The following INTS13 variants were observed in gnomAD, a reference collection of about 807,000 sequenced individuals.
INTS13 encodes integrator complex subunit 13.
INTS13 carries 35 observed loss-of-function variants against 90.2 expected under a neutral mutation model. That is an observed-to-expected ratio of 0.39 (90% CI 0.30 to 0.51). The LOEUF (loss-of-function observed/expected upper bound fraction) is 0.51. INTS13 is among the 20% of genes least tolerant of loss of function. INTS13 has a pLI of 0.80. For missense variants in INTS13, 601 were observed against 851.2 expected (o/e 0.71, Z 3.66); for synonymous variants, 309 against 277.1 (o/e 1.11, Z -1.14).
intron 8 of INTS13, 112 bp downstream of exon 8, chr12:26,922,503 AT>A: frequency 6.1e-6 from 4 of 657,404 alleles, no homozygotes; most frequent in Non-Finnish European, 7.4e-6. Flanking sequence ...ACCATCTGAG[AT>A]TTCAGGCATC....
chr12:26,938,304 T>A (rs1222185539), upstream of INTS13: 2 of 151,574 alleles, frequency 1.3e-5, no homozygotes, highest in Non-Finnish European at 2.9e-5. Flanking sequence ...CCCAGGCCGG[T>A]TTCCCCTGGA....
At chr12:26,922,568 CT>C in intron 8 of INTS13, 47 bp downstream of exon 8, 1 of 1,414,612 alleles carries the variant, frequency 7.1e-7, no homozygotes, top group Non-Finnish European at 9.8e-7. Context: ...CTGTAATATG[CT>C]TTCATATGTT....
At chr12:26,906,519 T>A in intron 15 of INTS13, 82 bp from the exon 16 acceptor site, 2 of 1,356,336 alleles carry the variant, frequency 1.5e-6, no homozygotes, top group Non-Finnish European at 2.0e-6. Flanking sequence ...CAAACTTACC[T>A]TTAATTCTGT....
chr12:26,915,973 C>T (rs1157625956), intron 11 of INTS13, 29 bp downstream of exon 11: 3 of 1,520,340 alleles, frequency 2.0e-6, no homozygotes, highest in Admixed American at 1.9e-5. Context: ...AGATTCAAAA[C>T]TTAAAATTTA....
At chr12:26,915,443 T>C (rs1198538398) in intron 11 of INTS13, among the ~76,000 whole-genome samples, 1 of 152,162 alleles carries the variant, frequency 6.6e-6, no homozygotes, top group Non-Finnish European at 1.5e-5. Context: ...TTACTTACAG[T>C]ATATAACAGT....
chr12:26,911,047 C>T, intron 15 of INTS13, 131 bp downstream of exon 15: 1 of 961,902 alleles, frequency 1.0e-6, no homozygotes, highest in Non-Finnish European at 1.5e-6. Flanking sequence ...GCTGGCCAGG[C>T]TGGTCTTGAA....
At chr12:26,907,792 A>G (rs1037133847) in intron 15 of INTS13, among the ~76,000 whole-genome samples, 1 of 152,250 alleles carries the variant, frequency 6.6e-6, no homozygotes, top group African/African-American at 2.4e-5. Flanking sequence ...CTTTCACCCA[A>G]GAAGACAGAC....
At chr12:26,908,070 A>G (rs1951662591) in intron 15 of INTS13, among the ~76,000 whole-genome samples, 1 of 152,202 alleles carries the variant, frequency 6.6e-6, no homozygotes, top group African/African-American at 2.4e-5. Flanking sequence ...ATGTGAAAAA[A>G]GCCAATCTCA....
In INTS13 at chr12:26,905,377, TA is replaced by T; in HGVS notation, c.*119del. ...TACAAAAATGACAGCTGAAATATTT[TA>T]AAAATGTAAAAACCAGTCCAGGCAA... On this transcript the variant is annotated 3_prime_UTR_variant, in exon 17 of 17. Transcript: ENST00000261191. 1 of 853,070 alleles carries T rather than the reference TA, an allele frequency of 1.2e-6. No homozygotes were observed. The highest frequency in any genetic ancestry group is 1.8e-6 in the Non-Finnish European group (1 of 555,206). The allele number at this position is 853,070 out of a possible 1,614,324, so 52.8% of individuals were successfully genotyped here.
intron 3 of INTS13, 125 bp downstream of exon 3, chr12:26,934,431 T>C (rs1565838726): frequency 2.9e-6 from 2 of 696,022 alleles, no homozygotes; most frequent in African/African-American, 1.8e-5. Context: ...GCTGTTTTCA[T>C]ATGACTTGGC....
intron 16 of INTS13, 127 bp downstream of exon 16, chr12:26,906,175 A>G: frequency 2.2e-6 from 2 of 898,066 alleles, no homozygotes; most frequent in South Asian, 4.0e-5. Context: ...TTTTCTGCTT[A>G]TGGGGAACAT....
rs1256557009 is a variant in INTS13, at chr12:26,917,826, A to T, written c.890-93T>A. 6.3e-6 allele frequency: 6 copies of T among 958,436 alleles called. No homozygotes were observed. In the East Asian group the frequency reaches 1.7e-4, roughly 27 times the overall value. The allele number at this position is 958,436 out of a possible 1,614,324, so 59.4% of individuals were successfully genotyped here. Reference sequence around the variant, plus strand: ...AATATGTACAATTATGTTTTAATTTAAAAAATAATAAAAGCGGCCGGGTGC... The same window carrying T: ...AATATGTACAATTATGTTTTAATTTTAAAAATAATAAAAGCGGCCGGGTGC... On this transcript the variant is annotated intron_variant, in intron 8 of 16. Coordinates refer to ENST00000261191, the MANE Select transcript of INTS13 (RefSeq NM_018164.3).
chr12:26,911,130 C>T (rs746119512), intron 15 of INTS13, 48 bp downstream of exon 15: 32 of 1,574,600 alleles, frequency 2.0e-5, no homozygotes, highest in Admixed American at 1.1e-4. Flanking sequence ...CCACCACACC[C>T]GGCCTGGAAA....
At chr12:26,914,649 C>T in intron 11 of INTS13, 71 bp from the exon 12 acceptor site, 2 of 1,253,902 alleles carry the variant, frequency 1.6e-6, no homozygotes, top group East Asian at 2.5e-5. Context: ...ATGTACTAGT[C>T]TGTTTCCCTG....
intron 8 of INTS13, among the ~76,000 whole-genome samples, chr12:26,919,423 C>T (rs1288829844): frequency 2.6e-5 from 4 of 151,850 alleles, no homozygotes; most frequent in African/African-American, 7.3e-5. Flanking sequence ...AGCATAGGCA[C>T]GGGGCGGGTT....
chr12:26,926,159 A>T (rs1937862627), intron 5 of INTS13, among the ~76,000 whole-genome samples: 9 of 152,222 alleles, frequency 5.9e-5, no homozygotes, highest in Admixed American at 5.9e-4. Context: ...AAATGAATAT[A>T]TTGTGTATTA....
At chr12:26,912,879 C>T (rs1420418351) in intron 14 of INTS13, among the ~76,000 whole-genome samples, 1 of 151,992 alleles carries the variant, frequency 6.6e-6, no homozygotes, top group African/African-American at 2.4e-5. Context: ...AGGCATGCAC[C>T]CCCATACCCA....
chr12:26,905,578 C>T (rs376301394), intron 16 of INTS13, 42 bp from the exon 17 acceptor site: 505 of 1,561,628 alleles, frequency 3.2e-4, no homozygotes, highest in Non-Finnish European at 4.1e-4. Flanking sequence ...AATAAATATT[C>T]ATTAACATTT....
chr12:26,917,789 CTG>C, intron 8 of INTS13, 56 bp from the exon 9 acceptor site: 1 of 1,108,144 alleles, frequency 9.0e-7, no homozygotes. Flanking sequence ...AAACATCACA[CTG>C]TATCCCATAA....
Sources: allele counts gnomAD v4.1 joint callset (sites outside exome capture counted in the v4.1 genomes callset), GRCh38; gene constraint gnomAD v4.1.1; transcripts MANE v1.5; gene names NCBI Gene and HGNC (gene_info 2026-07-23, HGNC 2026-07-21).